The following RELN variants were observed in gnomAD, a reference collection of about 807,000 sequenced individuals.
RELN encodes reelin.
Under a neutral mutation model 427.6 loss-of-function variants are expected in RELN, and 108 were observed. The observed-to-expected ratio is 0.25, with a 90% CI of 0.22 to 0.30. The LOEUF is 0.30. RELN is among the 10% of genes least tolerant of loss of function. The pLI, the probability that RELN is intolerant of heterozygous loss-of-function variation, is 1.00. For synonymous variants in RELN, 1,524 were observed against 1,513.4 expected (o/e 1.01, Z -0.16); for missense variants, 3,715 against 4,302.8 (o/e 0.86, Z 3.82).
At position 103,824,957 on chromosome 7, in the gene RELN, G is replaced by A. The variant is rs1272567626; in HGVS notation, c.473+8580C>T. On this transcript the variant is annotated intron_variant, in intron 3 of 64. Coordinates refer to ENST00000428762, the MANE Select transcript of RELN (RefSeq NM_005045.4). This position sits in a 1 kb window ranked among gnomAD's most constrained non-coding sequence, Gnocchi z 4.4. ...TGGATCAAAACACACCTGTCTTTGC[G>A]AGTTTTTGAAGCTCTTGCTTCAAAT... Among the ~76,000 whole-genome samples the A allele has an allele frequency of 6.6e-6, 1 of 150,400 alleles. No homozygotes were observed. Among genetic ancestry groups the A allele is most frequent in the Non-Finnish European group, 1.5e-5 (1 of 67,432 alleles).
At chr7:103,478,639 AC>A (rs1183278754) in intron 63 of RELN, 4 of 425,204 alleles carry the variant, frequency 9.4e-6, no homozygotes, top group Non-Finnish European at 1.7e-5. Flanking sequence ...ATGTTAAGGT[AC>A]ATGTAGCTGT....
chr7:103,900,477 C>G (rs966328285), intron 2 of RELN, among the ~76,000 whole-genome samples: 2 of 152,196 alleles, frequency 1.3e-5, no homozygotes, highest in South Asian at 4.2e-4. Flanking sequence ...AAAAAAAGAG[C>G]CCGCATAGCC....
At chr7:103,740,695 G>T (rs981736764) in intron 6 of RELN, among the ~76,000 whole-genome samples, 3 of 152,132 alleles carry the variant, frequency 2.0e-5, no homozygotes, top group Non-Finnish European at 4.4e-5. Flanking sequence ...ATTAAAAGTT[G>T]AATTCATTAG....
intron 6 of RELN, among the ~76,000 whole-genome samples, chr7:103,746,769 T>C (rs1790845053): frequency 1.3e-5 from 2 of 150,784 alleles, no homozygotes; most frequent in Admixed American, 6.6e-5. Flanking sequence ...AAACAACAGG[T>C]GCTGGAGAGG....
At chr7:103,906,860 C>T (rs144800142) in intron 2 of RELN, among the ~76,000 whole-genome samples, 37 of 152,286 alleles carry the variant, frequency 2.4e-4, no homozygotes, top group Non-Finnish European at 4.9e-4. Context: ...AGCCACAGAA[C>T]AGGCTAAGCA....
chr7:103,481,702 T>C (rs1459281821), intron 63 of RELN, among the ~76,000 whole-genome samples: 4 of 152,218 alleles, frequency 2.6e-5, no homozygotes, highest in African/African-American at 9.7e-5. Flanking sequence ...GGTTGGATTT[T>C]GGTCTATTTG....
At chr7:103,778,285 G>A (rs1791796968) in intron 3 of RELN, among the ~76,000 whole-genome samples, 1 of 151,998 alleles carries the variant, frequency 6.6e-6, no homozygotes, top group Non-Finnish European at 1.5e-5. Flanking sequence ...GAGTGTCTGA[G>A]TTCACATACA....
intron 6 of RELN, among the ~76,000 whole-genome samples, chr7:103,733,940 T>TA (rs11291450): frequency 6.6e-5 from 10 of 151,606 alleles, no homozygotes; most frequent in Middle Eastern, 3.4e-3. Context: ...TAAAGTATAA[T>TA]AAAAAAAAAT....
At chr7:103,554,759 G>A (rs1161373008) in intron 38 of RELN, among the ~76,000 whole-genome samples, 1 of 152,106 alleles carries the variant, frequency 6.6e-6, no homozygotes, top group East Asian at 1.9e-4. Flanking sequence ...TTTGAGTTGT[G>A]TTTTAGTGGT....
At chr7:103,806,746 C>T (rs1028005111) in intron 3 of RELN, among the ~76,000 whole-genome samples, 10 of 152,258 alleles carry the variant, frequency 6.6e-5, no homozygotes, top group African/African-American at 2.4e-4. Flanking sequence ...TTTAAAAAAT[C>T]AATTTATCTT....
At chr7:103,575,447 A>C in intron 29 of RELN, 101 bp downstream of exon 29, 2 of 1,315,500 alleles carry the variant, frequency 1.5e-6, no homozygotes, top group Non-Finnish European at 2.2e-6. Context: ...TTAAAGAGGA[A>C]TAAATTCAGA....
intron 8 of RELN, among the ~76,000 whole-genome samples, chr7:103,721,916 C>G (rs1790085703): frequency 6.6e-6 from 1 of 152,152 alleles, no homozygotes; most frequent in South Asian, 2.1e-4. Context: ...AGCACCACAA[C>G]TCTTTAAAAA....
intron 52 of RELN, 83 bp downstream of exon 52, chr7:103,502,933 T>A (rs746118047): frequency 8.6e-7 from 1 of 1,156,920 alleles, no homozygotes; most frequent in Non-Finnish European, 1.3e-6. Flanking sequence ...CAAATACACA[T>A]AATTTCAGGC....
intron 6 of RELN, among the ~76,000 whole-genome samples, chr7:103,747,642 CTTTTTT>C (rs541976561): frequency 8.1e-6 from 1 of 123,876 alleles, no homozygotes; most frequent in African/African-American, 3.0e-5. Flanking sequence ...CCTACTCTCA[CTTTTTT>C]TTTTTTTTTT....
At chr7:103,872,028 ATATTTTTCTTTTTTCT>A (rs1390721975) in intron 2 of RELN, among the ~76,000 whole-genome samples, 7 of 104,752 alleles carry the variant, frequency 6.7e-5, no homozygotes, top group Non-Finnish European at 1.1e-4. Context: ...ATATATATAT[ATATTTTTCTTTTTTCT>A]TTTTTTTCTT....
At chr7:103,773,930 C>T (rs990468592) in intron 4 of RELN, among the ~76,000 whole-genome samples, 3 of 152,258 alleles carry the variant, frequency 2.0e-5, no homozygotes, top group African/African-American at 7.2e-5. Flanking sequence ...GGGTCCTTTT[C>T]ACTTTCATAT....
At chr7:103,940,927 G>A (rs954751942) in intron 1 of RELN, among the ~76,000 whole-genome samples, 1 of 152,026 alleles carries the variant, frequency 6.6e-6, no homozygotes, top group Non-Finnish European at 1.5e-5. Context: ...AGGACATTTT[G>A]GATTCCATCC....
At chr7:103,722,953 G>T (rs1790114355) in intron 8 of RELN, among the ~76,000 whole-genome samples, 187 bp downstream of exon 8, 1 of 152,106 alleles carries the variant, frequency 6.6e-6, no homozygotes, top group Non-Finnish European at 1.5e-5. Context: ...CTGGAGAGAA[G>T]TGAGAACAGA....
intron 20 of RELN, among the ~76,000 whole-genome samples, chr7:103,619,468 T>C (rs1424651300): frequency 6.6e-6 from 1 of 152,198 alleles, no homozygotes; most frequent in Non-Finnish European, 1.5e-5. Flanking sequence ...TAGGCCAATT[T>C]ACCCAACATT....
Sources: allele counts gnomAD v4.1 joint callset (sites outside exome capture counted in the v4.1 genomes callset), GRCh38; gene constraint gnomAD v4.1.1; non-coding constraint Gnocchi (gnomAD v3.1); transcripts MANE v1.5; gene names NCBI Gene and HGNC (gene_info 2026-07-23, HGNC 2026-07-21).